Variants in UPF2 observed in about 807,000 individuals in gnomAD.
UPF2 encodes the protein regulator of nonsense transcripts 2.
Under a neutral mutation model 141.4 loss-of-function variants are expected in UPF2, and 17 were observed. The observed-to-expected ratio is 0.12, with a 90% CI of 0.08 to 0.18. The LOEUF is 0.18. Among genes scored for constraint, UPF2 ranks in the 10% least tolerant of loss-of-function variants. The probability of loss-of-function intolerance (pLI) is 1.00; values close to 1 mark genes in which losing one functional copy is unlikely to be tolerated. For missense variants in UPF2, 1,152 were observed against 1,515.9 expected, an observed-to-expected ratio of 0.76 and a Z score of 3.99; for synonymous variants, 540 against 498.0, an observed-to-expected ratio of 1.08 and a Z score of -1.12.
rs1393533131 is a variant in UPF2, at chr10:11,998,593, C to CT, written c.1759-837dup. On this transcript the variant is annotated intron_variant, in intron 7 of 21. Transcript: ENST00000357604. This position sits in a 1 kb window ranked among gnomAD's most constrained non-coding sequence, Gnocchi z 4.5. Reference sequence around the variant, plus strand: ...CTTGGATGGGCACGGTGGCTCACACCTGTAATTCTAGCACTCTGGGAGGCC... The same window carrying CT: ...CTTGGATGGGCACGGTGGCTCACACCTTGTAATTCTAGCACTCTGGGAGGCC... Among the ~76,000 whole-genome samples, 4 of 152,120 alleles carry CT rather than the reference C, an allele frequency of 2.6e-5. No individual in the cohort carries two copies. Among genetic ancestry groups the CT allele is most frequent in the Non-Finnish European group, 5.9e-5 (4 of 68,028 alleles).
At chr10:11,983,136 T>C (rs1833627424) in intron 8 of UPF2, among the ~76,000 whole-genome samples, 1 of 152,224 alleles carries the variant, frequency 6.6e-6, no homozygotes, top group South Asian at 2.1e-4. Context: ...CTCTTAAGTA[T>C]ACTGTTAGCA....
chr10:11,999,567 C>A (rs1833921537), intron 7 of UPF2, among the ~76,000 whole-genome samples: 1 of 148,164 alleles, frequency 6.7e-6, no homozygotes. Flanking sequence ...GTATTATCAT[C>A]AAAAGAATTT....
intron 15 of UPF2, among the ~76,000 whole-genome samples, chr10:11,951,635 G>A (rs1281019386): frequency 1.3e-5 from 2 of 152,166 alleles, no homozygotes; most frequent in Middle Eastern, 3.4e-3. Flanking sequence ...AATCCTGTAG[G>A]GTAGAGTTCC....
At chr10:12,008,973 A>G (rs1202375512) in intron 4 of UPF2, among the ~76,000 whole-genome samples, 1 of 152,110 alleles carries the variant, frequency 6.6e-6, no homozygotes, top group Non-Finnish European at 1.5e-5. Context: ...TAGTTTGCTG[A>G]GAATGATGGC....
chr10:11,992,834 T>C lies in UPF2; in HGVS notation c.1844+4838A>G, dbSNP rs545350434. ...ACAGGTATACCAAATAAAAGGCACATGTATACCAAACGCAAATAAAAAGAA... is the reference window on the plus strand; with the variant it reads ...ACAGGTATACCAAATAAAAGGCACACGTATACCAAACGCAAATAAAAAGAA... On this transcript the variant is annotated intron_variant, in intron 8 of 21. Transcript: ENST00000357604. The surrounding 1 kb of genome is among the most constrained non-coding windows in gnomAD (Gnocchi z 4.1). Among the ~76,000 whole-genome samples the C allele has an allele frequency of 3.4e-4, 51 of 152,172 alleles. No homozygotes were observed. The highest frequency in any genetic ancestry group is 1.9e-4 in the Non-Finnish European group (13 of 67,978).
intron 16 of UPF2, 56 bp downstream of exon 16, chr10:11,948,313 A>C: frequency 1.3e-6 from 2 of 1,492,262 alleles, no homozygotes; most frequent in Admixed American, 2.4e-5. Flanking sequence ...TGGCTCATAT[A>C]ATCAAAATAC....
At chr10:12,023,768 G>GA (rs1834359988) in intron 3 of UPF2, among the ~76,000 whole-genome samples, 2 of 151,360 alleles carry the variant, frequency 1.3e-5, no homozygotes, top group African/African-American at 2.4e-5. Context: ...AGGCAGGCAG[G>GA]TGGCTTGAGC....
In UPF2 at chr10:11,921,148, C is replaced by A; in HGVS notation, c.*150G>T. On this transcript the variant is annotated 3_prime_UTR_variant, in exon 22 of 22. Transcript: ENST00000357604. The surrounding 1 kb of genome is among the most constrained non-coding windows in gnomAD (Gnocchi z 5.9). ...GTGTTGGCAGAGGCTGGTGTTTCTG[C>A]CTCCTGGCCCCAGCCTGTCCCAGGT... 1 of 1,089,172 alleles carries A rather than the reference C, an allele frequency of 9.2e-7. No individual in the cohort carries two copies. Among genetic ancestry groups the A allele is most frequent in the South Asian group, 1.2e-5 (1 of 80,234 alleles). 67.5% of individuals were successfully genotyped at this position (1,089,172 alleles called of 1,614,324 possible).
At chr10:11,955,620 G>T in intron 13 of UPF2, 113 bp from the exon 14 acceptor site, 1 of 1,055,824 alleles carries the variant, frequency 9.5e-7, no homozygotes, top group Non-Finnish European at 1.3e-6. Context: ...ACACTGAATA[G>T]AGAAATGACA....
chr10:11,986,678 T>TA (rs1264546134), intron 8 of UPF2, among the ~76,000 whole-genome samples: 1 of 152,152 alleles, frequency 6.6e-6, no homozygotes, highest in Non-Finnish European at 1.5e-5. Context: ...AGATGATTCC[T>TA]AAAAAATGAA....
At chr10:12,034,166 A>C (rs1182031703) in intron 2 of UPF2, among the ~76,000 whole-genome samples, 1 of 152,272 alleles carries the variant, frequency 6.6e-6, no homozygotes, top group South Asian at 2.1e-4. Flanking sequence ...GGATCATAAA[A>C]CTTACTTCAC....
intron 3 of UPF2, among the ~76,000 whole-genome samples, chr10:12,026,890 T>C: frequency 6.6e-6 from 1 of 152,136 alleles, no homozygotes. Context: ...TGACCTCAGA[T>C]GATCCACCCA....
intron 8 of UPF2, among the ~76,000 whole-genome samples, chr10:11,996,533 G>A (rs1219209925): frequency 1.3e-5 from 2 of 151,880 alleles, no homozygotes; most frequent in African/African-American, 4.8e-5. Flanking sequence ...TAGTAGAGAT[G>A]GGGTTTCACC....
At position 11,946,658 on chromosome 10, in the gene UPF2, G is replaced by A. The variant is rs183855959; in HGVS notation, c.3174+1711C>T. On this transcript the variant is annotated intron_variant, in intron 16 of 21. Coordinates refer to ENST00000357604, the MANE Select transcript of UPF2 (RefSeq NM_015542.4). ...ACTCACTCTAACTTTTTAAACTCTC[G>A]TTTTGTTTCTTCTATACCCCTAACC... is the stretch of plus-strand genomic sequence containing the variant. Among the ~76,000 whole-genome samples the A allele has an allele frequency of 9.9e-5, 15 of 151,958 alleles. 1 individual carries two copies. The highest frequency in any genetic ancestry group is 9.8e-4 in the Admixed American group (15 of 15,236).
intron 18 of UPF2, among the ~76,000 whole-genome samples, chr10:11,941,626 C>T (rs1786540756): frequency 6.6e-6 from 1 of 152,142 alleles, no homozygotes; most frequent in Non-Finnish European, 1.5e-5. Flanking sequence ...CGTTTCTCTT[C>T]CCTTTCTGGC....
chr10:11,972,907 G>A (rs973638467), intron 9 of UPF2, among the ~76,000 whole-genome samples: 1 of 152,204 alleles, frequency 6.6e-6, no homozygotes, highest in Non-Finnish European at 1.5e-5. Context: ...CCAGTAATGG[G>A]ATGGTGCGGT....
intron 7 of UPF2, among the ~76,000 whole-genome samples, chr10:11,999,405 C>T (rs775624452): frequency 5.3e-5 from 8 of 150,430 alleles, no homozygotes; most frequent in African/African-American, 9.8e-5. Flanking sequence ...CCCAGCTACT[C>T]GAGAGGCTGA....
intron 4 of UPF2, among the ~76,000 whole-genome samples, chr10:12,009,385 T>C (rs1248183069): frequency 1.3e-5 from 2 of 152,128 alleles, no homozygotes; most frequent in Admixed American, 6.6e-5. Context: ...ATGGCACTAA[T>C]GTATTAAAAT....
At chr10:11,928,731 C>A in intron 21 of UPF2, 2 of 359,480 alleles carry the variant, frequency 5.6e-6, no homozygotes, top group Non-Finnish European at 5.4e-6. Flanking sequence ...AACTAAAAAC[C>A]ATAAAAGAGG....
Sources: allele counts gnomAD v4.1 joint callset (sites outside exome capture counted in the v4.1 genomes callset), GRCh38; gene constraint gnomAD v4.1.1; non-coding constraint Gnocchi (gnomAD v3.1); transcripts MANE v1.5; gene names NCBI Gene and HGNC (gene_info 2026-07-23, HGNC 2026-07-21).